Variants in APP observed in about 807,000 individuals in gnomAD.
The protein encoded by APP is amyloid-beta precursor protein.
Under a neutral mutation model 101.4 loss-of-function variants are expected in APP, and 31 were observed. The ratio of observed to expected loss-of-function variants is 0.31; its 90% CI spans 0.23 to 0.41. The LOEUF (loss-of-function observed/expected upper bound fraction) is 0.41. Ranked by LOEUF, APP falls within the 10% of genes least tolerant of loss-of-function variation. The pLI is 1.00. For synonymous variants in APP, 366 were observed against 364.4 expected, an observed-to-expected ratio of 1.00 and a Z score of -0.05; for missense variants, 839 against 1,003.7, an observed-to-expected ratio of 0.84 and a Z score of 2.22.
chr21:25,999,881 G>T, intron 7 of APP, 134 bp downstream of exon 7: 2 of 1,008,074 alleles, frequency 2.0e-6, no homozygotes, highest in Non-Finnish European at 3.0e-6. Flanking sequence ...AGCAATTAGA[G>T]AAGTGGACAG....
Position 25,905,152 on chromosome 21 carries a change from G to C in APP, c.1910-75C>G, listed in dbSNP as rs76431353. The C allele has an allele frequency of 0.016, 20,764 of 1,270,418 alleles. 1,200 individuals are homozygous for C. The East Asian group carries it at 0.2, about 12-fold the overall frequency. 78.7% of individuals were successfully genotyped at this position (1,270,418 alleles called of 1,614,324 possible). On this transcript the variant is annotated intron_variant, in intron 14 of 17. Coordinates refer to ENST00000346798, the MANE Select transcript of APP (RefSeq NM_000484.4). Reference sequence around the variant, plus strand: ...TGGTAAGTCGTGGCTCCCAAACATAGTCGAGCAGGGAAAAAAGCATATGCA... The same window carrying C: ...TGGTAAGTCGTGGCTCCCAAACATACTCGAGCAGGGAAAAAAGCATATGCA...
chr21:26,031,303 T>G (rs4817083), intron 5 of APP, among the ~76,000 whole-genome samples: 84,369 of 152,066 alleles, frequency 0.55, 25,923 homozygotes, highest in Middle Eastern at 0.72. Context: ...GTCCTTTTCT[T>G]TTGGGGGCAC....
intron 1 of APP, among the ~76,000 whole-genome samples, chr21:26,119,196 G>A (rs1162557677): frequency 6.6e-6 from 1 of 152,010 alleles, no homozygotes; most frequent in Non-Finnish European, 1.5e-5. Context: ...GGCATTCCTG[G>A]TACTAGATGT....
intron 3 of APP, among the ~76,000 whole-genome samples, chr21:26,084,283 G>A (rs1033760542): frequency 3.8e-5 from 5 of 131,240 alleles, no homozygotes; most frequent in African/African-American, 1.5e-4. Flanking sequence ...CTGTCCCCCA[G>A]GCTGGAGCGC....
intron 6 of APP, among the ~76,000 whole-genome samples, chr21:26,020,393 G>T (rs536238035): frequency 6.6e-6 from 1 of 152,112 alleles, no homozygotes; most frequent in Admixed American, 6.6e-5. Flanking sequence ...TCTTAAAGCC[G>T]CTGAATTATA....
rs2036970638 is a variant in APP, at chr21:25,881,333, G to T, written c.*337C>A. 1 of 368,740 alleles carries T rather than the reference G, an allele frequency of 2.7e-6. No homozygotes were observed. The highest frequency in any genetic ancestry group is 2.1e-5 in the African/African-American group (1 of 48,204). 22.8% of individuals were successfully genotyped at this position (368,740 alleles called of 1,614,324 possible). A position where few individuals can be genotyped will look rare whatever the true frequency, so the allele number is the denominator to read the frequency against. ...GACTTAATTGGGTCACAAACCACAA[G>T]AATAATATACAACTGGCTAAGGGGC... On this transcript the variant is annotated 3_prime_UTR_variant, in exon 18 of 18. Coordinates refer to ENST00000346798, the MANE Select transcript of APP (RefSeq NM_000484.4).
At chr21:25,889,581 C>T (rs1461817916) in intron 17 of APP, among the ~76,000 whole-genome samples, 1 of 152,208 alleles carries the variant, frequency 6.6e-6, no homozygotes, top group Admixed American at 6.5e-5. Flanking sequence ...TGGCTCATGC[C>T]TGTAATCCCA....
At chr21:26,052,084 C>A (rs1978650394) in intron 4 of APP, among the ~76,000 whole-genome samples, 2 of 152,192 alleles carry the variant, frequency 1.3e-5, no homozygotes, top group African/African-American at 2.4e-5. Flanking sequence ...TACAGTGGAT[C>A]CAAATATACT....
At chr21:26,067,924 A>C (rs1448449340) in intron 3 of APP, among the ~76,000 whole-genome samples, 5 of 152,078 alleles carry the variant, frequency 3.3e-5, no homozygotes, top group Non-Finnish European at 5.9e-5. Flanking sequence ...ATTTAAAAAA[A>C]AAAAACAAAA....
chr21:26,117,136 G>A (rs1397594929), intron 1 of APP, among the ~76,000 whole-genome samples: 2 of 152,080 alleles, frequency 1.3e-5, no homozygotes, highest in Non-Finnish European at 2.9e-5. Flanking sequence ...CTCCTGCCTC[G>A]GCCTCCCAAA....
intron 3 of APP, among the ~76,000 whole-genome samples, chr21:26,068,503 G>A (rs183726104): frequency 6.6e-6 from 1 of 152,134 alleles, no homozygotes; most frequent in East Asian, 1.9e-4. Context: ...GGGACTACCG[G>A]CACATGCCAA....
chr21:26,143,985 G>A (rs2063102442), intron 1 of APP, among the ~76,000 whole-genome samples: 1 of 152,242 alleles, frequency 6.6e-6, no homozygotes, highest in South Asian at 2.1e-4. Flanking sequence ...AAAAGAAACA[G>A]GTTGAACTGA....
chr21:26,101,602 T>C (rs1194957763), intron 2 of APP, among the ~76,000 whole-genome samples: 1 of 152,150 alleles, frequency 6.6e-6, no homozygotes, highest in Non-Finnish European at 1.5e-5. Context: ...ATGCCCTTAA[T>C]ACAGCACCTC....
At chr21:25,986,753 C>G (rs533297105) in intron 8 of APP, among the ~76,000 whole-genome samples, 2 of 151,926 alleles carry the variant, frequency 1.3e-5, no homozygotes, top group Non-Finnish European at 2.9e-5. Context: ...GTTGGCACTC[C>G]GTCTCAAATA....
At chr21:26,059,954 G>A (rs900771830) in intron 3 of APP, among the ~76,000 whole-genome samples, 6 of 144,662 alleles carry the variant, frequency 4.1e-5, no homozygotes, top group African/African-American at 1.5e-4. Context: ...CTATGTAACA[G>A]TCCAGGTCAC....
intron 2 of APP, among the ~76,000 whole-genome samples, chr21:26,101,461 A>G (rs1339754050): frequency 6.6e-6 from 1 of 152,180 alleles, no homozygotes; most frequent in Non-Finnish European, 1.5e-5. Context: ...TTTAACTGAC[A>G]ATATGTAACT....
intron 1 of APP, chr21:26,158,263 A>G (rs2063414756): frequency 1.3e-5 from 2 of 152,190 alleles, no homozygotes; most frequent in Non-Finnish European, 2.9e-5. Context: ...AGCAGATAAG[A>G]GAAGGTAAGC....
chr21:26,053,424 G>T, intron 3 of APP, 76 bp from the exon 4 acceptor site: 3 of 1,099,094 alleles, frequency 2.7e-6, no homozygotes, highest in African/African-American at 1.5e-5. Context: ...ATCAAGGAAA[G>T]ATAGACTTCA....
chr21:26,130,211 G>A (rs1188798816), intron 1 of APP, among the ~76,000 whole-genome samples: 1 of 152,230 alleles, frequency 6.6e-6, no homozygotes, highest in Non-Finnish European at 1.5e-5. Context: ...ATTCTGTGAT[G>A]TTTAAGATAC....
Sources: gnomAD v4.1 joint callset for allele counts (sites outside exome capture counted in the v4.1 genomes callset) on GRCh38, gnomAD v4.1.1 for gene constraint, MANE v1.5 for transcripts, NCBI Gene and HGNC (gene_info 2026-07-23, HGNC 2026-07-21) for gene names.